The following RGL1 variants were observed in gnomAD, a reference collection of about 807,000 sequenced individuals.
RGL1 encodes ral guanine nucleotide dissociation stimulator-like 1.
A neutral mutation model predicts 95.2 loss-of-function variants in RGL1; 24 were observed. That is an observed-to-expected ratio of 0.25 (90% confidence interval 0.18 to 0.35). The LOEUF is 0.35. Ranked by LOEUF, RGL1 falls within the 10% of genes least tolerant of loss-of-function variation. The pLI, the probability that RGL1 is intolerant of heterozygous loss-of-function variation, is 1.00. For missense variants in RGL1, 715 were observed against 936.3 expected, an observed-to-expected ratio of 0.76 and a Z score of 3.08; for synonymous variants, 329 against 344.9, an observed-to-expected ratio of 0.95 and a Z score of 0.51.
intron 4 of RGL1, among the ~76,000 whole-genome samples, chr1:183,866,608 G>A (rs776377234): frequency 2.0e-5 from 3 of 152,214 alleles, no homozygotes; most frequent in Non-Finnish European, 4.4e-5. Context: ...CGCGTGCTAG[G>A]GGATGAGCAC....
At chr1:183,651,422 G>C (rs1219743271) in intron 1 of RGL1, among the ~76,000 whole-genome samples, 2 of 152,102 alleles carry the variant, frequency 1.3e-5, no homozygotes, top group Non-Finnish European at 2.9e-5. Context: ...TTCACCTTCT[G>C]TCTTCCTCAG....
intron 2 of RGL1, among the ~76,000 whole-genome samples, chr1:183,784,463 C>A (rs915795983): frequency 6.6e-6 from 1 of 152,204 alleles, no homozygotes; most frequent in African/African-American, 2.4e-5. Context: ...TGGGCCCCAG[C>A]CCCAGAGGGA....
At chr1:183,710,573 G>T (rs946942628) in intron 1 of RGL1, among the ~76,000 whole-genome samples, 2 of 152,180 alleles carry the variant, frequency 1.3e-5, no homozygotes, top group Non-Finnish European at 2.9e-5. Flanking sequence ...AACAAAAGAG[G>T]TTTAATTGAC....
At chr1:183,642,272 G>C (rs964042562) in intron 1 of RGL1, among the ~76,000 whole-genome samples, 1 of 152,090 alleles carries the variant, frequency 6.6e-6, no homozygotes, top group African/African-American at 2.4e-5. Context: ...CCCTTTACTT[G>C]CATTATTTAA....
At chr1:183,884,583 T>A in intron 6 of RGL1, 140 bp from the exon 7 acceptor site, 1 of 670,494 alleles carries the variant, frequency 1.5e-6, no homozygotes. Context: ...TCTGTTGAAA[T>A]GGACACCATG....
intron 1 of RGL1, among the ~76,000 whole-genome samples, chr1:183,638,287 C>G (rs6701432): frequency 1.3e-5 from 2 of 152,062 alleles, no homozygotes; most frequent in Admixed American, 1.3e-4. Flanking sequence ...ATGTAATTAA[C>G]TGCCAGCCAA....
chr1:183,748,377 T>C, intron 2 of RGL1, among the ~76,000 whole-genome samples: 1 of 150,846 alleles, frequency 6.6e-6, no homozygotes, highest in Admixed American at 6.6e-5. Context: ...CTTTTGAATT[T>C]GTTTGCTTCT....
At chr1:183,873,129 A>T (rs1271417134) in intron 4 of RGL1, among the ~76,000 whole-genome samples, 1 of 152,210 alleles carries the variant, frequency 6.6e-6, no homozygotes, top group Non-Finnish European at 1.5e-5. Flanking sequence ...GAGGAAGAAT[A>T]AAACAACATT....
chr1:183,904,812 T>C, intron 12 of RGL1, 38 bp from the exon 13 acceptor site: 1 of 1,571,262 alleles, frequency 6.4e-7, no homozygotes, highest in Non-Finnish European at 8.6e-7. Flanking sequence ...TATTATTCAG[T>C]CTTTTTTTTT....
chr1:183,697,104 T>G (rs1270481661), intron 1 of RGL1, among the ~76,000 whole-genome samples: 1 of 152,194 alleles, frequency 6.6e-6, no homozygotes, highest in African/African-American at 2.4e-5. Flanking sequence ...CTGTAGTGCC[T>G]CTTTCCTGAC....
At chr1:183,777,913 C>T (rs1659682599) in intron 2 of RGL1, among the ~76,000 whole-genome samples, 1 of 152,134 alleles carries the variant, frequency 6.6e-6, no homozygotes, top group African/African-American at 2.4e-5. Context: ...TTCCTTTCTC[C>T]CCAACCCTAT....
intron 2 of RGL1, among the ~76,000 whole-genome samples, chr1:183,782,199 T>C (rs569284401): frequency 6.6e-6 from 1 of 152,314 alleles, no homozygotes; most frequent in East Asian, 1.9e-4. Context: ...ATACCAGGGC[T>C]CCAATTCCAG....
intron 2 of RGL1, among the ~76,000 whole-genome samples, chr1:183,752,303 T>G (rs999963806): frequency 1.3e-5 from 2 of 152,200 alleles, no homozygotes; most frequent in African/African-American, 4.8e-5. Context: ...TTGGGCTCAC[T>G]GCAACTTCCG....
chr1:183,872,067 A>G (rs2102612372), intron 4 of RGL1, among the ~76,000 whole-genome samples: 1 of 152,354 alleles, frequency 6.6e-6, no homozygotes, highest in South Asian at 2.1e-4. Context: ...ATGACAGAAG[A>G]AAACATTTCT....
intron 2 of RGL1, among the ~76,000 whole-genome samples, chr1:183,775,626 T>C (rs1381091212): frequency 6.6e-6 from 1 of 152,236 alleles, no homozygotes. Flanking sequence ...TATATTACCT[T>C]GGGCAAGAGT....
intron 1 of RGL1, chr1:183,648,646 T>C: frequency 6.2e-7 from 1 of 1,614,238 alleles, no homozygotes; most frequent in Non-Finnish European, 8.5e-7. Context: ...CAAAATTCTG[T>C]GAGGGAAACT....
At chr1:183,914,998 A>G (rs191360651) in intron 15 of RGL1, among the ~76,000 whole-genome samples, 87 of 152,354 alleles carry the variant, frequency 5.7e-4, no homozygotes, top group African/African-American at 2.0e-3. Flanking sequence ...CATAAGGAAG[A>G]AAAAAACCCA....
intron 1 of RGL1, among the ~76,000 whole-genome samples, chr1:183,671,748 C>G (rs1272129496): frequency 6.6e-6 from 1 of 152,052 alleles, no homozygotes; most frequent in Non-Finnish European, 1.5e-5. Flanking sequence ...ATCTGGTTTT[C>G]CAATTAGGTA....
At chr1:183,709,333 C>T (rs1655121304) in intron 1 of RGL1, 1 of 152,342 alleles carries the variant, frequency 6.6e-6, no homozygotes, top group Non-Finnish European at 1.5e-5. Context: ...AGAACTGTTC[C>T]AGTGAGCACA....
Sources: gnomAD v4.1 joint callset for allele counts (sites outside exome capture counted in the v4.1 genomes callset) on GRCh38, gnomAD v4.1.1 for gene constraint, MANE v1.5 for transcripts, NCBI Gene and HGNC (gene_info 2026-07-23, HGNC 2026-07-21) for gene names.